The following GAB2 variants were observed in gnomAD, a reference collection of about 807,000 sequenced individuals.
The protein encoded by GAB2 is GRB2-associated-binding protein 2.
A neutral mutation model predicts 65.5 loss-of-function variants in GAB2; 26 were observed. The observed-to-expected ratio is 0.40, with a 90% CI of 0.29 to 0.55. GAB2 has a LOEUF of 0.55. Ranked by LOEUF, GAB2 falls within the 20% of genes least tolerant of loss-of-function variation. The pLI is 0.53. For synonymous variants in GAB2, 321 were observed against 329.6 expected (o/e 0.97, Z 0.28); for missense variants, 884 against 875.8 (o/e 1.01, Z -0.12).
intron 1 of GAB2, among the ~76,000 whole-genome samples, chr11:78,349,830 G>T (rs1856247629): frequency 6.6e-6 from 1 of 151,582 alleles, no homozygotes; most frequent in Non-Finnish European, 1.5e-5. Context: ...TTAACTTTTG[G>T]CTCCTCCATG....
intron 1 of GAB2, among the ~76,000 whole-genome samples, chr11:78,412,203 C>G (rs1857139258): frequency 6.6e-6 from 1 of 150,554 alleles, no homozygotes; most frequent in Non-Finnish European, 1.5e-5. Flanking sequence ...AGAGGATATA[C>G]AGATGGCAAA....
chr11:78,403,814 G>A (rs781305338), intron 1 of GAB2, among the ~76,000 whole-genome samples: 14 of 152,098 alleles, frequency 9.2e-5, no homozygotes, highest in Non-Finnish European at 1.8e-4. Flanking sequence ...CACAGAATGC[G>A]AGAAAATATG....
chr11:78,299,905 C>T (rs1013647041), intron 1 of GAB2, among the ~76,000 whole-genome samples: 5 of 152,156 alleles, frequency 3.3e-5, no homozygotes, highest in Admixed American at 3.3e-4. Flanking sequence ...AAAAGAATGA[C>T]CCTGGGCTGA....
chr11:78,233,725 G>A (rs1199070049), intron 3 of GAB2, among the ~76,000 whole-genome samples: 1 of 152,132 alleles, frequency 6.6e-6, no homozygotes, highest in Non-Finnish European at 1.5e-5. Flanking sequence ...TCCAGCCTCA[G>A]CCTCGCCAGT....
chr11:78,381,352 C>G (rs1397606505), intron 1 of GAB2, among the ~76,000 whole-genome samples: 1 of 152,154 alleles, frequency 6.6e-6, no homozygotes, highest in Non-Finnish European at 1.5e-5. Context: ...GCACTTAACA[C>G]AGACTCCAAC....
intron 1 of GAB2, among the ~76,000 whole-genome samples, chr11:78,359,829 C>T (rs866838488): frequency 3.2e-4 from 49 of 152,072 alleles, no homozygotes; most frequent in African/African-American, 1.2e-3. Context: ...TGGTCCCTTC[C>T]CAAAAGATAT....
At chr11:78,221,985 C>T in intron 7 of GAB2, 120 bp downstream of exon 7, 1 of 745,866 alleles carries the variant, frequency 1.3e-6, no homozygotes, top group Non-Finnish European at 2.4e-6. Flanking sequence ...GAGACATGAT[C>T]AGCTAATGAT....
At chr11:78,268,020 A>T (rs1865913235) in intron 2 of GAB2, among the ~76,000 whole-genome samples, 1 of 152,086 alleles carries the variant, frequency 6.6e-6, no homozygotes, top group African/African-American at 2.4e-5. Context: ...CCTGTTTTGA[A>T]ACATCTGCTG....
intron 3 of GAB2, among the ~76,000 whole-genome samples, chr11:78,245,985 G>A (rs1015064151): frequency 9.2e-5 from 13 of 140,866 alleles, no homozygotes; most frequent in Middle Eastern, 4.3e-3. Context: ...TGCTCTTCTC[G>A]CCCAGGCTGG....
intron 1 of GAB2, among the ~76,000 whole-genome samples, chr11:78,309,518 G>C (rs974704277): frequency 6.7e-6 from 1 of 150,212 alleles, no homozygotes; most frequent in African/African-American, 2.5e-5. Context: ...CGCTCAGGCT[G>C]GAGTACAGTG....
intron 2 of GAB2, among the ~76,000 whole-genome samples, chr11:78,268,432 T>TAG (rs1463267383): frequency 1.3e-5 from 2 of 152,176 alleles, no homozygotes; most frequent in African/African-American, 2.4e-5. Context: ...AAGGTGACCT[T>TAG]ACCACTAAAT....
chr11:78,227,799 C>CA (rs924048651), intron 3 of GAB2, among the ~76,000 whole-genome samples: 3 of 151,868 alleles, frequency 2.0e-5, no homozygotes, highest in Non-Finnish European at 4.4e-5. Flanking sequence ...GACCCTGTTT[C>CA]AAAAAAACAC....
At position 78,276,531 on chromosome 11, in the gene GAB2, T is replaced by G. The variant is rs537311506; in HGVS notation, c.376+4070A>C. Among the ~76,000 whole-genome samples, 154 of 152,298 alleles carry G rather than the reference T, an allele frequency of 1.0e-3. No individual in the cohort carries two copies. The South Asian group carries it at 0.011, about 11-fold the overall frequency. ...TGATTCCCGTTATAGCATGACTCTG[T>G]TACTATCTGGTTGCATGCCTGTCCC... On this transcript the variant is annotated intron_variant, in intron 2 of 9. Transcript: ENST00000361507.
At chr11:78,271,380 G>C (rs533773080) in intron 2 of GAB2, among the ~76,000 whole-genome samples, 18 of 152,332 alleles carry the variant, frequency 1.2e-4, no homozygotes, top group African/African-American at 4.1e-4. Context: ...ATAGCATCTT[G>C]ATATGTGTTC....
At chr11:78,281,373 G>A (rs1866331279) in intron 1 of GAB2, among the ~76,000 whole-genome samples, 1 of 152,076 alleles carries the variant, frequency 6.6e-6, no homozygotes, top group Admixed American at 6.6e-5. Context: ...AGCCTCCTGA[G>A]TAGCTAGGAT....
At chr11:78,319,682 T>G (rs946613462) in intron 1 of GAB2, among the ~76,000 whole-genome samples, 2 of 152,198 alleles carry the variant, frequency 1.3e-5, no homozygotes, top group Non-Finnish European at 2.9e-5. Context: ...AGAGCCACAT[T>G]TGAGGCCTTT....
chr11:78,384,878 C>T (rs1640288681), intron 1 of GAB2, among the ~76,000 whole-genome samples: 1 of 152,176 alleles, frequency 6.6e-6, no homozygotes, highest in Admixed American at 6.5e-5. Context: ...AAGATGGCAC[C>T]TAAGCTCATC....
intron 4 of GAB2, among the ~76,000 whole-genome samples, 153 bp from the exon 5 acceptor site, chr11:78,225,355 C>T (rs1864601794): frequency 6.6e-6 from 1 of 152,216 alleles, no homozygotes; most frequent in Non-Finnish European, 1.5e-5. Flanking sequence ...GAACACATCA[C>T]TCCTCAGTTC....
At position 78,322,797 on chromosome 11, in the gene GAB2, T is replaced by TAA. The variant is rs34497179; in HGVS notation, c.76-41898_76-41897dup. 9.5e-3 allele frequency among the ~76,000 whole-genome samples: 1,120 copies of TAA among 117,828 alleles called. 10 individuals carry two copies. Among genetic ancestry groups the TAA allele is most frequent in the African/African-American group, 0.032 (1,050 of 32,632 alleles). The allele number at this position is 117,828 out of a possible 152,430, so 77.3% of individuals were successfully genotyped here. A position where few individuals can be genotyped will look rare whatever the true frequency, so the allele number is the denominator to read the frequency against. On this transcript the variant is annotated intron_variant, in intron 1 of 9. Coordinates refer to ENST00000361507, the MANE Select transcript of GAB2 (RefSeq NM_080491.3). ...ACTCAGAATGGCTATTACTGAAAAGTAAAAAAAAAAAAAAAACAACAACAG... is the reference window on the plus strand; with the variant it reads ...ACTCAGAATGGCTATTACTGAAAAGTAAAAAAAAAAAAAAAAAACAACAACAG...
Sources: allele counts gnomAD v4.1 joint callset (sites outside exome capture counted in the v4.1 genomes callset), GRCh38; gene constraint gnomAD v4.1.1; transcripts MANE v1.5; gene names NCBI Gene and HGNC (gene_info 2026-07-23, HGNC 2026-07-21).